BMF: variants seen among roughly 807,000 people sequenced by gnomAD.
BMF encodes Bcl2 modifying factor.
Under a neutral mutation model 22.0 loss-of-function variants are expected in BMF, and 10 were observed. The ratio of observed to expected loss-of-function variants is 0.45; its 90% CI spans 0.28 to 0.77. The LOEUF is 0.77. Ranked by LOEUF, BMF falls within the 30% of genes least tolerant of loss-of-function variation. The probability of loss-of-function intolerance (pLI) is 0.13; values close to 1 mark genes in which losing one functional copy is unlikely to be tolerated. For missense variants in BMF, 206 were observed against 226.8 expected (o/e 0.91, Z 0.59); for synonymous variants, 87 against 88.1 (o/e 0.99, Z 0.07).
chr15:40,107,343 A>G (rs1317782278), intron 2 of BMF, among the ~76,000 whole-genome samples: 2 of 152,250 alleles, frequency 1.3e-5, no homozygotes, highest in East Asian at 3.8e-4. Context: ...AAAGAATCTC[A>G]GTTCAATTCA....
At chr15:40,097,901 C>A (rs917755606) in intron 4 of BMF, among the ~76,000 whole-genome samples, 2 of 152,188 alleles carry the variant, frequency 1.3e-5, no homozygotes, top group African/African-American at 2.4e-5. Context: ...TTTGAGACTG[C>A]CCACAGCAGC....
intron 4 of BMF, among the ~76,000 whole-genome samples, chr15:40,094,228 C>A (rs1043986061): frequency 1.3e-5 from 2 of 152,210 alleles, no homozygotes; most frequent in African/African-American, 4.8e-5. Flanking sequence ...ACTCCCTGGG[C>A]AACTTGAGAT....
intron 4 of BMF, 128 bp downstream of exon 4, chr15:40,104,052 A>T: frequency 7.7e-7 from 1 of 1,300,188 alleles, no homozygotes; most frequent in African/African-American, 1.5e-5. Flanking sequence ...GAACCGCCAT[A>T]ACCAAAACTC....
chr15:40,105,402 A>G (rs557067793), intron 3 of BMF, among the ~76,000 whole-genome samples: 1 of 150,846 alleles, frequency 6.6e-6, no homozygotes, highest in East Asian at 2.0e-4. Context: ...GCCTTTGGGA[A>G]CCCTCCCTCC....
chr15:40,108,165 C>T (rs1031648311), intron 2 of BMF, 94 bp downstream of exon 2: 5 of 153,074 alleles, frequency 3.3e-5, no homozygotes, highest in African/African-American at 9.6e-5. Flanking sequence ...TAGACTCCTC[C>T]TCCTCTTAGG....
Position 40,089,023 on chromosome 15 carries a change from G to A in BMF, c.*2764C>T, listed in dbSNP as rs760095117. The A allele has an allele frequency of 3.3e-5, 5 of 152,632 alleles. No individual in the cohort carries two copies. Among genetic ancestry groups the A allele is most frequent in the East Asian group, 1.9e-4 (1 of 5,194 alleles). The allele number at this position is 152,632 out of a possible 1,614,324, so 9.5% of individuals were successfully genotyped here. A position where few individuals can be genotyped will look rare whatever the true frequency, so the allele number is the denominator to read the frequency against. Reference sequence around the variant, plus strand: ...CCTTCCTCCCAGGCATTTCTTTCCCGAGGAGGAAGGTTTCCAGTCCCTCTC... The same window carrying A: ...CCTTCCTCCCAGGCATTTCTTTCCCAAGGAGGAAGGTTTCCAGTCCCTCTC... On this transcript the variant is annotated 3_prime_UTR_variant, in exon 5 of 5. Transcript: ENST00000354670.
At chr15:40,094,475 G>T (rs145530605) in intron 4 of BMF, among the ~76,000 whole-genome samples, 8 of 152,298 alleles carry the variant, frequency 5.3e-5, no homozygotes, top group African/African-American at 1.9e-4. Flanking sequence ...TATGGTGCAT[G>T]GATCCCCAGG....
In BMF at chr15:40,088,567, A is replaced by T. The variant is rs1287199796; in HGVS notation, c.*3220T>A. The T allele has an allele frequency of 6.6e-6, 1 of 152,350 alleles. No homozygotes were observed. The highest frequency in any genetic ancestry group is 2.4e-5 in the African/African-American group (1 of 41,468). 9.4% of individuals were successfully genotyped at this position (152,350 alleles called of 1,614,324 possible). A position where few individuals can be genotyped will look rare whatever the true frequency, so the allele number is the denominator to read the frequency against. Reference sequence around the variant, plus strand: ...GGTAGCATGCTCCTTGCTGTCCAGGACAGTCACCGTGGCTCCACAGCACTC... The same window carrying T: ...GGTAGCATGCTCCTTGCTGTCCAGGTCAGTCACCGTGGCTCCACAGCACTC... On this transcript the variant is annotated 3_prime_UTR_variant, in exon 5 of 5. Coordinates refer to ENST00000354670, the MANE Select transcript of BMF (RefSeq NM_001003940.2).
chr15:40,091,918 A>G (rs1266205988), intron 4 of BMF, 30 bp from the exon 5 acceptor site: 4 of 1,495,824 alleles, frequency 2.7e-6, no homozygotes, highest in Non-Finnish European at 3.7e-6. Context: ...AAAGACCAAC[A>G]TAACTCCCAA....
At chr15:40,093,666 G>A (rs1402552731) in intron 4 of BMF, among the ~76,000 whole-genome samples, 1 of 152,176 alleles carries the variant, frequency 6.6e-6, no homozygotes, top group African/African-American at 2.4e-5. Flanking sequence ...CTCATCCCTG[G>A]AGAGGCCAGT....
intron 4 of BMF, among the ~76,000 whole-genome samples, chr15:40,099,831 C>G (rs934126559): frequency 4.7e-5 from 7 of 149,204 alleles, no homozygotes; most frequent in African/African-American, 1.7e-4. Context: ...GATTTGCCCA[C>G]GAACACATAA....
chr15:40,096,261 G>T (rs189023958), intron 4 of BMF, among the ~76,000 whole-genome samples: 63 of 146,444 alleles, frequency 4.3e-4, no homozygotes, highest in Non-Finnish European at 7.4e-4. Flanking sequence ...TCTGCCCTAA[G>T]CACAAAGCGT....
intron 4 of BMF, 136 bp from the exon 5 acceptor site, chr15:40,092,024 G>C (rs551936454): frequency 1.5e-6 from 1 of 645,500 alleles, no homozygotes; most frequent in Non-Finnish European, 2.7e-6. Context: ...AGCTCACAGC[G>C]GGGAGGAGGG....
chr15:40,105,237 T>C (rs1164692870), intron 3 of BMF, among the ~76,000 whole-genome samples: 1 of 152,194 alleles, frequency 6.6e-6, no homozygotes, highest in Non-Finnish European at 1.5e-5. Context: ...ATATTTCTCA[T>C]AAAACAAACT....
chr15:40,101,765 G>C (rs1414864284), intron 4 of BMF, among the ~76,000 whole-genome samples: 1 of 152,194 alleles, frequency 6.6e-6, no homozygotes, highest in Non-Finnish European at 1.5e-5. Flanking sequence ...TCTATAAGTA[G>C]GGTCAGTGGG....
chr15:40,107,069 C>T (rs113948122), intron 2 of BMF, among the ~76,000 whole-genome samples: 179 of 152,288 alleles, frequency 1.2e-3, no homozygotes, highest in Non-Finnish European at 2.4e-3. Flanking sequence ...TAAAGAAGTT[C>T]CTCTTGCTCC....
rs189049446 is a variant in BMF at position 40,089,648 on chromosome 15, A to G, written c.*2139T>C. ...CAAGATCTAAATCATTTTCTCTCTC[A>G]CTGAACTCAGGTGGAGAGTCTGCCA... On this transcript the variant is annotated 3_prime_UTR_variant, in exon 5 of 5. Coordinates refer to ENST00000354670, the MANE Select transcript of BMF (RefSeq NM_001003940.2). The G allele has an allele frequency of 7.9e-5, 12 of 152,248 alleles. No homozygotes were observed. The East Asian group carries it at 2.1e-3, about 27-fold the overall frequency. The allele number at this position is 152,248 out of a possible 1,614,324, so 9.4% of individuals were successfully genotyped here.
Position 40,091,619 on chromosome 15 carries a change from G to C in BMF, c.*168C>G, listed in dbSNP as rs1033119269. On this transcript the variant is annotated 3_prime_UTR_variant, in exon 5 of 5. Transcript: ENST00000354670. ...GTCAAGGGCCTGACAGAGAAAGAAG[G>C]TCCCGCTTGAGTATGTTGTATGTAC... 7.0e-6 allele frequency: 4 copies of C among 574,544 alleles called. No homozygotes were observed. The African/African-American group carries it at 7.5e-5, about 11-fold the overall frequency. The allele number at this position is 574,544 out of a possible 1,614,324, so 35.6% of individuals were successfully genotyped here. A position where few individuals can be genotyped will look rare whatever the true frequency, so the allele number is the denominator to read the frequency against.
chr15:40,103,419 G>A (rs1567035024), intron 4 of BMF, among the ~76,000 whole-genome samples: 1 of 152,338 alleles, frequency 6.6e-6, no homozygotes, highest in South Asian at 2.1e-4. Flanking sequence ...CCCAGACAGC[G>A]GCTGCTGGAA....
Sources: allele counts gnomAD v4.1 joint callset (sites outside exome capture counted in the v4.1 genomes callset), GRCh38; gene constraint gnomAD v4.1.1; transcripts MANE v1.5; gene names NCBI Gene and HGNC (gene_info 2026-07-23, HGNC 2026-07-21).